The following DPH6 variants were observed in gnomAD, a reference collection of about 807,000 sequenced individuals.
DPH6 encodes the protein diphthine--ammonia ligase.
In DPH6, 33 loss-of-function variants were observed where a neutral mutation model predicts 38.2. The observed-to-expected ratio is 0.86, with a 90% CI of 0.65 to 1.15. The LOEUF (loss-of-function observed/expected upper bound fraction) is 1.15, where lower values mean the gene tolerates loss of function less well. Ranked by LOEUF, DPH6 falls within the 50% of genes most tolerant of loss-of-function variation. The probability of loss-of-function intolerance (pLI) is 0.00; values close to 1 mark genes in which losing one functional copy is unlikely to be tolerated. For missense variants in DPH6, 325 were observed against 320.0 expected, an observed-to-expected ratio of 1.02 and a Z score of -0.12; for synonymous variants, 108 against 103.0, an observed-to-expected ratio of 1.05 and a Z score of -0.30.
intron 6 of DPH6, among the ~76,000 whole-genome samples, chr15:35,394,978 C>T (rs1354684820): frequency 6.8e-6 from 1 of 146,150 alleles, no homozygotes; most frequent in Non-Finnish European, 1.5e-5. Context: ...TAGTCTTTAG[C>T]CTGAACATGT....
chr15:35,299,155 C>T lies in DPH6; in HGVS notation n.200+74366G>A, dbSNP rs562380540. On this transcript the variant is annotated intron_variant and non_coding_transcript_variant, in intron 3 of 3. Transcript: ENST00000560386. Reference sequence around the variant, plus strand: ...TTAGGAAACATAGGATCATATTCGTCAGCTAAGGGAATCAGAACTTCCCCT... The same window carrying T: ...TTAGGAAACATAGGATCATATTCGTTAGCTAAGGGAATCAGAACTTCCCCT... 2.5e-5 allele frequency: 32 copies of T among 1,296,866 alleles called. No individual in the cohort carries two copies. In the African/African-American group the frequency reaches 3.4e-4, roughly 14 times the overall value. The allele number at this position is 1,296,866 out of a possible 1,614,324, so 80.3% of individuals were successfully genotyped here.
At chr15:35,500,632 T>C (rs963019836) in intron 3 of DPH6, among the ~76,000 whole-genome samples, 2 of 152,172 alleles carry the variant, frequency 1.3e-5, no homozygotes, top group African/African-American at 4.8e-5. Flanking sequence ...ATTTGACAAA[T>C]AACAGGGCTA....
intron 3 of DPH6, among the ~76,000 whole-genome samples, chr15:35,458,024 T>G (rs1233461201): frequency 6.6e-6 from 1 of 152,222 alleles, no homozygotes; most frequent in Non-Finnish European, 1.5e-5. Flanking sequence ...AACCAATGCA[T>G]ATCCTTGCAT....
chr15:35,266,763 A>G (rs992125171), intron 3 of DPH6, among the ~76,000 whole-genome samples: 2 of 152,324 alleles, frequency 1.3e-5, no homozygotes, highest in Admixed American at 6.5e-5. Flanking sequence ...ATCAGTAATA[A>G]TTGTTTTCTA....
chr15:35,180,923 A>C, the DPH6 span, among the ~76,000 whole-genome samples: 1 of 152,184 alleles, frequency 6.6e-6, no homozygotes, highest in South Asian at 2.1e-4. Context: ...GTTTTTATCT[A>C]TTTTCCATTA....
At chr15:35,446,006 G>C (rs575756834) in intron 5 of DPH6, among the ~76,000 whole-genome samples, 3 of 152,158 alleles carry the variant, frequency 2.0e-5, no homozygotes, top group Non-Finnish European at 4.4e-5. Flanking sequence ...TAACAACATG[G>C]GACCCATACG....
At chr15:35,206,659 C>T in the DPH6 span, among the ~76,000 whole-genome samples, 3 of 152,148 alleles carry the variant, frequency 2.0e-5, no homozygotes, top group Non-Finnish European at 4.4e-5. Flanking sequence ...AAATACCCAC[C>T]ACATATTAAC....
intron 3 of DPH6, among the ~76,000 whole-genome samples, chr15:35,515,722 G>GAA (rs61568573): frequency 0.03 from 2,339 of 77,722 alleles, 110 homozygotes; most frequent in Admixed American, 0.069. Flanking sequence ...CTCCGTCTCA[G>GAA]AAAAAAAAAA....
At chr15:35,380,156 T>C (rs2052845313) in intron 7 of DPH6, among the ~76,000 whole-genome samples, 1 of 152,204 alleles carries the variant, frequency 6.6e-6, no homozygotes, top group African/African-American at 2.4e-5. Context: ...TGCCTGTCCA[T>C]CTCTTTGGTT....
intron 3 of DPH6, among the ~76,000 whole-genome samples, chr15:35,293,750 C>T: frequency 6.6e-6 from 1 of 152,170 alleles, no homozygotes; most frequent in Non-Finnish European, 1.5e-5. Flanking sequence ...ACTGTAAACG[C>T]ACAGAGGTGG....
downstream of DPH6, among the ~76,000 whole-genome samples, chr15:35,368,147 G>A (rs372283521): frequency 2.0e-5 from 3 of 151,958 alleles, no homozygotes; most frequent in South Asian, 4.1e-4. Context: ...AAATTGACAG[G>A]GCAGTTCATC....
chr15:35,348,707 A>C (rs1468015333), intron 3 of DPH6, among the ~76,000 whole-genome samples: 1 of 152,114 alleles, frequency 6.6e-6, no homozygotes, highest in Non-Finnish European at 1.5e-5. Context: ...TTGGAATTTT[A>C]ATAGAGATTT....
At chr15:35,329,785 G>A (rs560189593), downstream of DPH6, among the ~76,000 whole-genome samples, 11 of 152,142 alleles carry the variant, frequency 7.2e-5, no homozygotes, top group Non-Finnish European at 1.6e-4. Flanking sequence ...TGTGAGCACT[G>A]ACATTTTCTA....
At chr15:35,257,029 T>TA (rs1566852139) in intron 3 of DPH6, among the ~76,000 whole-genome samples, 1 of 152,148 alleles carries the variant, frequency 6.6e-6, no homozygotes, top group African/African-American at 2.4e-5. Context: ...GGTGATTTGA[T>TA]AGTGACAGGG....
At chr15:35,506,893 T>C (rs1389933985) in intron 3 of DPH6, among the ~76,000 whole-genome samples, 13 of 152,150 alleles carry the variant, frequency 8.5e-5, no homozygotes, top group Admixed American at 8.5e-4. Flanking sequence ...CAATGACTTG[T>C]CTTTTATTTA....
chr15:35,466,821 T>A (rs1373563797), intron 3 of DPH6, among the ~76,000 whole-genome samples: 1 of 152,164 alleles, frequency 6.6e-6, no homozygotes, highest in African/African-American at 2.4e-5. Context: ...TGGTAAATAT[T>A]TGGGTATCTA....
chr15:35,158,814 G>A, the DPH6 span, among the ~76,000 whole-genome samples: 26 of 151,966 alleles, frequency 1.7e-4, no homozygotes, highest in South Asian at 2.9e-3. Flanking sequence ...GAACTCTTCC[G>A]TCTCTCTACT....
chr15:35,389,909 A>C (rs889341862), intron 6 of DPH6, among the ~76,000 whole-genome samples: 1 of 152,126 alleles, frequency 6.6e-6, no homozygotes, highest in African/African-American at 2.4e-5. Context: ...TATTTTGCTC[A>C]TTATTTGATG....
chr15:35,425,859 A>G (rs551307893), intron 5 of DPH6, among the ~76,000 whole-genome samples: 2 of 150,230 alleles, frequency 1.3e-5, no homozygotes, highest in Non-Finnish European at 3.0e-5. Context: ...TCCTATCCAT[A>G]TAACCAGCAC....
Sources: gnomAD v4.1 joint callset for allele counts (sites outside exome capture counted in the v4.1 genomes callset) on GRCh38, gnomAD v4.1.1 for gene constraint, MANE v1.5 for transcripts, NCBI Gene and HGNC (gene_info 2026-07-23, HGNC 2026-07-21) for gene names.